The following SNCAIP variants were observed in gnomAD, a reference collection of about 807,000 sequenced individuals.
SNCAIP encodes synuclein alpha interacting protein.
Under a neutral mutation model 86.7 loss-of-function variants are expected in SNCAIP, and 43 were observed. The observed-to-expected ratio is 0.50, with a 90% CI of 0.39 to 0.64. The LOEUF (loss-of-function observed/expected upper bound fraction) is 0.64. Among genes scored for constraint, SNCAIP ranks in the 30% least tolerant of loss-of-function variants. The pLI is 0.00. For synonymous variants in SNCAIP, 417 were observed against 427.2 expected, an observed-to-expected ratio of 0.98 and a Z score of 0.29; for missense variants, 981 against 1,103.1, an observed-to-expected ratio of 0.89 and a Z score of 1.57.
chr5:122,355,655 G>A (rs1760850770), intron 1 of SNCAIP, among the ~76,000 whole-genome samples: 1 of 152,188 alleles, frequency 6.6e-6, no homozygotes, highest in African/African-American at 2.4e-5. Flanking sequence ...GTAAGATCCT[G>A]ATACCATGGA....
rs573197926 is a variant in SNCAIP at position 122,318,483 on chromosome 5, A to G, written c.-47+6199A>G. ...TATCTTTGCACATCCTGTGCTCAGT[A>G]CAGTGCCTTGCCCACCATGTATCTC... On this transcript the variant is annotated intron_variant, in intron 1 of 10. Coordinates refer to ENST00000261368, the MANE Select transcript of SNCAIP (RefSeq NM_005460.4). Among the ~76,000 whole-genome samples, 28 of 152,308 alleles carry G rather than the reference A, an allele frequency of 1.8e-4. No homozygotes were observed. In the East Asian group the frequency reaches 5.0e-3, roughly 27 times the overall value.
chr5:122,385,928 A>G (rs1768041451), intron 1 of SNCAIP, among the ~76,000 whole-genome samples: 1 of 152,212 alleles, frequency 6.6e-6, no homozygotes, highest in African/African-American at 2.4e-5. Flanking sequence ...TCTGTGTAAC[A>G]TGAGCCTTCA....
chr5:122,431,023 A>G (rs975026098), intron 5 of SNCAIP, among the ~76,000 whole-genome samples: 1 of 152,114 alleles, frequency 6.6e-6, no homozygotes, highest in Non-Finnish European at 1.5e-5. Context: ...CTGATTTTTC[A>G]TTAACAAATA....
At chr5:122,460,316 C>T (rs576739277) in intron 10 of SNCAIP, among the ~76,000 whole-genome samples, 3 of 152,056 alleles carry the variant, frequency 2.0e-5, no homozygotes, top group South Asian at 4.2e-4. Flanking sequence ...CCTAATTTTG[C>T]GTATTGGAAA....
rs1350254829 is a variant in SNCAIP at position 122,450,940 on chromosome 5, G to A, written c.2093G>A (p.Arg698Gln). The change falls in exon 10 of 11, where the codon CGA becomes CAA. Residue 698 changes from arginine (R) to glutamine (Q), a missense_variant. Arg to Gln is a conservative substitution (Grantham distance 43, BLOSUM62 1). Transcript: ENST00000261368. ...ACTACCCCAGTGAGGAAGGCTGACC[G>A]ACCAAGGCCGCAGCCCATTGTAGAA... The part of the protein sequence containing the change: ...PKTTPVRKAD[R>Q]PRPQPIVESV... The A allele has an allele frequency of 1.1e-5, 17 of 1,614,016 alleles. No homozygotes were observed. Among genetic ancestry groups the A allele is most frequent in the Admixed American group, 3.3e-5 (2 of 60,002 alleles).
chr5:122,354,525 A>G (rs1410909156), intron 1 of SNCAIP, among the ~76,000 whole-genome samples: 1 of 152,200 alleles, frequency 6.6e-6, no homozygotes, highest in Non-Finnish European at 1.5e-5. Context: ...CTTAGAGCCC[A>G]TGGAAAGAAT....
At chr5:122,343,180 A>T (rs971852111) in intron 1 of SNCAIP, among the ~76,000 whole-genome samples, 2 of 152,192 alleles carry the variant, frequency 1.3e-5, no homozygotes, top group African/African-American at 4.8e-5. Flanking sequence ...TTTAGTTCTC[A>T]AGCTAAATCA....
At position 122,450,816 on chromosome 5, in the gene SNCAIP, C is replaced by T. The variant is rs376564775; in HGVS notation, c.1969C>T (p.Leu657=). ...CTCTAGAAATTCTAAAAAGATCCCA[C>T]TGGAGAAGAGGGAACTGAAGTTAGC... ...ASSRNSKKIP[L]EKRELKLARL... is the part of the protein sequence containing the mutation. Residue 657 remains leucine, a synonymous_variant, in exon 10 of 11, where the codon CTG becomes TTG. Transcript: ENST00000261368. 3.0e-5 allele frequency: 48 copies of T among 1,614,052 alleles called. No homozygotes were observed. The highest frequency in any genetic ancestry group is 4.1e-5 in the Non-Finnish European group (48 of 1,180,040).
At chr5:122,317,983 C>G (rs1752133613) in intron 1 of SNCAIP, among the ~76,000 whole-genome samples, 8 of 151,994 alleles carry the variant, frequency 5.3e-5, no homozygotes, top group Admixed American at 5.2e-4. Flanking sequence ...CCTGCTTGCT[C>G]TTTCTAAAGA....
At chr5:122,389,681 C>A (rs1005380934) in intron 1 of SNCAIP, 5 of 152,000 alleles carry the variant, frequency 3.3e-5, no homozygotes, top group African/African-American at 1.2e-4. Flanking sequence ...TCATTGTAAG[C>A]CTTACTGTGA....
chr5:122,417,721 C>T (rs78424338), intron 3 of SNCAIP, among the ~76,000 whole-genome samples: 1,878 of 152,126 alleles, frequency 0.012, 43 homozygotes, highest in African/African-American at 0.042. Context: ...CTTCCCCCTT[C>T]CTCCTTCCCT....
At position 122,444,746 on chromosome 5, in the gene SNCAIP, T is replaced by G; in HGVS notation, c.1592+14T>G. 6.2e-7 allele frequency: 1 copy of G among 1,611,266 alleles called. No homozygotes were observed. On this transcript the variant is annotated intron_variant, in intron 8 of 10. Coordinates refer to ENST00000261368, the MANE Select transcript of SNCAIP (RefSeq NM_005460.4). The stretch of plus-strand genomic sequence containing the variant: ...GCAGCTAAAGGAGTAAGTGGCCTGT[T>G]GGTTCCATGAGAACCAAGTCTAACT...
rs1220405401 is a variant in SNCAIP at position 122,378,747 on chromosome 5, C to A, written c.-46-12342C>A. Among the ~76,000 whole-genome samples the A allele has an allele frequency of 5.8e-5, 8 of 137,000 alleles. 1 individual carries two copies. Among genetic ancestry groups the A allele is most frequent in the African/African-American group, 8.3e-5 (3 of 36,262 alleles). 89.9% of individuals were successfully genotyped at this position (137,000 alleles called of 152,430 possible). The stretch of plus-strand genomic sequence containing the variant: ...GTGTAAGGAAGGGATCCAGTTTCAG[C>A]TTTCTACATATGGCTAGCCAGTTTT... On this transcript the variant is annotated intron_variant, in intron 1 of 10. Transcript: ENST00000261368.
chr5:122,390,293 A>G (rs1336816645), intron 1 of SNCAIP, among the ~76,000 whole-genome samples: 1 of 152,194 alleles, frequency 6.6e-6, no homozygotes, highest in Non-Finnish European at 1.5e-5. Context: ...TGCTCTTGAC[A>G]TCTGTAGGTG....
chr5:122,405,660 C>G (rs1367518036), intron 3 of SNCAIP, among the ~76,000 whole-genome samples: 1 of 152,184 alleles, frequency 6.6e-6, no homozygotes, highest in South Asian at 2.1e-4. Flanking sequence ...GTTTGACTTA[C>G]TGGTAATAAT....
chr5:122,424,631 C>T (rs1051167360), intron 4 of SNCAIP, among the ~76,000 whole-genome samples: 3 of 152,154 alleles, frequency 2.0e-5, no homozygotes, highest in African/African-American at 7.2e-5. Context: ...ATTTTTTCTC[C>T]TGAAAATGTC....
At chr5:122,354,281 G>C (rs978670761) in intron 1 of SNCAIP, among the ~76,000 whole-genome samples, 1 of 152,124 alleles carries the variant, frequency 6.6e-6, no homozygotes, top group African/African-American at 2.4e-5. Context: ...TCTACTTGTT[G>C]CATGTTTCAT....
chr5:122,399,127 C>T (rs917138328), intron 2 of SNCAIP, among the ~76,000 whole-genome samples: 3 of 152,098 alleles, frequency 2.0e-5, no homozygotes, highest in Admixed American at 6.5e-5. Flanking sequence ...CCTCTCTTCC[C>T]GCCTCATTAG....
At chr5:122,366,749 C>T (rs538916761) in intron 1 of SNCAIP, among the ~76,000 whole-genome samples, 2 of 152,154 alleles carry the variant, frequency 1.3e-5, no homozygotes, top group Admixed American at 6.5e-5. Flanking sequence ...TGAGAGGCTT[C>T]GTGTGACTTA....
Sources: gnomAD v4.1 joint callset for allele counts (sites outside exome capture counted in the v4.1 genomes callset) on GRCh38, gnomAD v4.1.1 for gene constraint, MANE v1.5 for transcripts, NCBI Gene and HGNC (gene_info 2026-07-23, HGNC 2026-07-21) for gene names.